Variants in ERICH1 observed in about 807,000 individuals in gnomAD.
ERICH1 encodes the protein glutamate rich 1.
In ERICH1, 56 loss-of-function variants were observed where a neutral mutation model predicts 39.6. The observed-to-expected ratio is 1.41, with a 90% CI of 1.14 to 1.77. The LOEUF is 1.77. ERICH1 is among the 40% of genes most tolerant of loss of function. ERICH1 has a pLI of 0.00. For synonymous variants in ERICH1, 313 were observed against 223.6 expected, an observed-to-expected ratio of 1.40 and a Z score of -3.57; for missense variants, 826 against 575.4, an observed-to-expected ratio of 1.44 and a Z score of -4.45.
At chr8:713,355 A>T (rs551125759) in intron 2 of ERICH1, among the ~76,000 whole-genome samples, 1 of 152,380 alleles carries the variant, frequency 6.6e-6, no homozygotes, top group South Asian at 2.1e-4. Flanking sequence ...GTGCAAAAGC[A>T]GTCATTTACT....
chr8:640,298 C>T (rs1400546803), intron 3 of ERICH1, among the ~76,000 whole-genome samples: 2 of 152,240 alleles, frequency 1.3e-5, no homozygotes, highest in Non-Finnish European at 2.9e-5. Flanking sequence ...CCCAATTCCT[C>T]TCTGGAGCTG....
intron 1 of ERICH1, among the ~76,000 whole-genome samples, chr8:716,735 C>A (rs1317028790): frequency 6.6e-6 from 1 of 152,188 alleles, no homozygotes; most frequent in East Asian, 1.9e-4. Flanking sequence ...GAAATCAGCA[C>A]TCCTGAAACA....
chr8:689,460 G>C (rs932328644), intron 3 of ERICH1, among the ~76,000 whole-genome samples: 3 of 152,132 alleles, frequency 2.0e-5, no homozygotes, highest in South Asian at 2.1e-4. Flanking sequence ...AAAACCTAAC[G>C]GACTGATCAA....
chr8:654,767 G>A (rs866974210), intron 3 of ERICH1, among the ~76,000 whole-genome samples: 1 of 152,098 alleles, frequency 6.6e-6, no homozygotes, highest in Non-Finnish European at 1.5e-5. Flanking sequence ...CAGTGTCCCC[G>A]TTGCTGGGAG....
At chr8:716,086 C>T (rs1354540157) in intron 1 of ERICH1, 79 bp from the exon 2 acceptor site, 2 of 1,497,410 alleles carry the variant, frequency 1.3e-6, no homozygotes, top group Non-Finnish European at 1.8e-6. Context: ...GTGACTTTTA[C>T]TCTACACAAA....
In ERICH1 at chr8:677,865, C is replaced by T. The variant is rs74347871; in HGVS notation, c.305-3818G>A. 9.1e-3 allele frequency among the ~76,000 whole-genome samples: 1,378 copies of T among 152,198 alleles called. 18 individuals are homozygous for T. The highest frequency in any genetic ancestry group is 0.032 in the African/African-American group (1,310 of 41,530). ...AGCAAGAACACTGCGGAATGCTGCT[C>T]ATCACCCCCCAGGCTCCTCCCGGCA... is the stretch of plus-strand genomic sequence containing the variant. On this transcript the variant is annotated intron_variant, in intron 3 of 5. Transcript: ENST00000262109.
chr8:679,146 T>A (rs1379922290), intron 3 of ERICH1, among the ~76,000 whole-genome samples: 1 of 127,716 alleles, frequency 7.8e-6, no homozygotes, highest in East Asian at 2.4e-4. Flanking sequence ...CCGTCAAAGC[T>A]CCGGCCCCTC....
intron 2 of ERICH1, among the ~76,000 whole-genome samples, chr8:715,165 T>C (rs1815598761): frequency 6.6e-6 from 1 of 152,138 alleles, no homozygotes; most frequent in Non-Finnish European, 1.5e-5. Context: ...CCAGGTGGCC[T>C]CTTCCCGCAT....
chr8:725,452 C>T (rs1818381425), intron 1 of ERICH1: 1 of 152,534 alleles, frequency 6.6e-6, no homozygotes, highest in African/African-American at 2.4e-5. Context: ...CAGGACTGAC[C>T]TCGGTGGCCA....
chr8:698,060 G>C lies in ERICH1; in HGVS notation c.170-5448C>G, dbSNP rs76936192. Among the ~76,000 whole-genome samples the C allele has an allele frequency of 8.6e-3, 1,310 of 152,194 alleles. 21 individuals are homozygous for C. Among genetic ancestry groups the C allele is most frequent in the African/African-American group, 0.031 (1,271 of 41,526 alleles). On this transcript the variant is annotated intron_variant, in intron 2 of 5. Coordinates refer to ENST00000262109, the MANE Select transcript of ERICH1 (RefSeq NM_207332.3). ...CCTCGGACCCGGGGGTGGGTGTAGA[G>C]AGGAGGAGGTGGAGGCATGCGCTCT...
At chr8:671,198 C>A (rs1377045980) in intron 4 of ERICH1, among the ~76,000 whole-genome samples, 1 of 142,746 alleles carries the variant, frequency 7.0e-6, no homozygotes, top group South Asian at 2.3e-4. Context: ...AACCTGCCGG[C>A]CCTGGCTGTA....
chr8:642,375 C>T (rs1346704306), intron 3 of ERICH1, among the ~76,000 whole-genome samples: 4 of 128,392 alleles, frequency 3.1e-5, no homozygotes, highest in Non-Finnish European at 6.3e-5. Context: ...GACAGAGTCT[C>T]GCTCTGTCGC....
rs1311527985 is a variant in ERICH1, at chr8:715,877, A to G, written c.153T>C (p.His51=). ...CAAACTCACCTGTCAAAGGCTCAGC[A>G]TGTTTCTGGCTCACTTTCTCAGAGG... ...KVTSEKVSQK[H]AEPLTDTGSE... The change falls in exon 2 of 6, where the codon CAT becomes CAC. Residue 51 remains histidine, a synonymous_variant. Transcript: ENST00000262109. 5 of 1,613,000 alleles carry G rather than the reference A, an allele frequency of 3.1e-6. No homozygotes were observed. The highest frequency in any genetic ancestry group is 3.4e-6 in the Non-Finnish European group (4 of 1,179,662).
chr8:719,851 A>G (rs1816884943), intron 1 of ERICH1, among the ~76,000 whole-genome samples: 1 of 152,172 alleles, frequency 6.6e-6, no homozygotes, highest in Non-Finnish European at 1.5e-5. Context: ...TTGTTGCTCA[A>G]ATAGTCCCAG....
At chr8:700,293 C>A (rs1481615868) in intron 2 of ERICH1, among the ~76,000 whole-genome samples, 3 of 70,800 alleles carry the variant, frequency 4.2e-5, no homozygotes, top group African/African-American at 1.2e-4. Flanking sequence ...CCGCACAGGC[C>A]CGGACACGCG....
intron 1 of ERICH1, among the ~76,000 whole-genome samples, chr8:726,743 T>C (rs1024478189): frequency 2.7e-5 from 4 of 149,754 alleles, no homozygotes; most frequent in Admixed American, 2.7e-4. Context: ...CAGATATGCA[T>C]GTACACGCAC....
At chr8:628,657 C>T (rs554542239) in intron 3 of ERICH1, among the ~76,000 whole-genome samples, 34 of 152,162 alleles carry the variant, frequency 2.2e-4, no homozygotes, top group African/African-American at 8.2e-4. Flanking sequence ...GATGCGGGTT[C>T]GCAACACAAA....
intron 3 of ERICH1, chr8:616,640 A>G (rs1213269492): frequency 6.2e-5 from 28 of 453,256 alleles, no homozygotes; most frequent in Middle Eastern, 3.6e-4. Flanking sequence ...GAGACAGAGA[A>G]GGAGAGACAG....
intron 2 of ERICH1, among the ~76,000 whole-genome samples, chr8:710,232 G>T (rs1010769676): frequency 6.6e-6 from 1 of 152,198 alleles, no homozygotes; most frequent in Non-Finnish European, 1.5e-5. Context: ...GCATCGTACA[G>T]GGCAGTTTCA....
Sources: allele counts gnomAD v4.1 joint callset (sites outside exome capture counted in the v4.1 genomes callset), GRCh38; gene constraint gnomAD v4.1.1; transcripts MANE v1.5; gene names NCBI Gene and HGNC (gene_info 2026-07-23, HGNC 2026-07-21).